Variants in PCDHGA1 observed in about 807,000 individuals in gnomAD.
PCDHGA1 encodes protocadherin gamma-A1.
Under a neutral mutation model 58.0 loss-of-function variants are expected in PCDHGA1, and 32 were observed. That is an observed-to-expected ratio of 0.55 (90% confidence interval 0.42 to 0.74). PCDHGA1 has a LOEUF of 0.74. PCDHGA1 is among the 30% of genes least tolerant of loss of function. The pLI is 0.00. For synonymous variants in PCDHGA1, 498 were observed against 501.1 expected, an observed-to-expected ratio of 0.99 and a Z score of 0.08; for missense variants, 1,205 against 1,182.3, an observed-to-expected ratio of 1.02 and a Z score of -0.28.
Position 141,490,109 on chromosome 5 carries a change from G to A in PCDHGA1, c.2422-4698G>A, listed in dbSNP as rs775286436. The A allele has an allele frequency of 3.4e-5, 55 of 1,614,114 alleles. No homozygotes were observed. Among genetic ancestry groups the A allele is most frequent in the African/African-American group, 8.0e-5 (6 of 74,940 alleles). ...GGAGACCACACATCTGAGGCAGTGC[G>A]GAACCTCTTTGGCCTAGACCCTAGC... On this transcript the variant is annotated intron_variant, in intron 1 of 3. Coordinates refer to ENST00000517417, the MANE Select transcript of PCDHGA1 (RefSeq NM_018912.3). This position sits in a 1 kb window ranked among gnomAD's most constrained non-coding sequence, Gnocchi z 5.4.
chr5:141,360,425 G>A, intron 1 of PCDHGA1: 1 of 1,613,966 alleles, frequency 6.2e-7, no homozygotes, highest in Non-Finnish European at 8.5e-7. Flanking sequence ...CAGATATGCG[G>A]GAAGCAGCCT....
chr5:141,413,900 AC>A, intron 1 of PCDHGA1: 1 of 1,613,126 alleles, frequency 6.2e-7, no homozygotes. Flanking sequence ...GCAAATGACA[AC>A]GCGCCGGTCT....
intron 1 of PCDHGA1, among the ~76,000 whole-genome samples, chr5:141,468,046 C>T (rs540273405): frequency 1.3e-4 from 20 of 152,174 alleles, no homozygotes; most frequent in Non-Finnish European, 2.8e-4. Flanking sequence ...AAAACTAAGC[C>T]GGGCACAGTG....
At chr5:141,381,826 C>CTTTTTTTTT (rs770630741) in intron 1 of PCDHGA1, among the ~76,000 whole-genome samples, 22 of 74,282 alleles carry the variant, frequency 3.0e-4, no homozygotes, top group African/African-American at 5.6e-4. Context: ...CTTTCTTCTT[C>CTTTTTTTTT]TTTTTTTTTT....
intron 1 of PCDHGA1, chr5:141,390,892 G>A (rs1476434709): frequency 2.6e-5 from 4 of 152,470 alleles, no homozygotes; most frequent in East Asian, 3.8e-4. Context: ...GTGTGTGAGA[G>A]AGATCCTTTT....
At chr5:141,354,997 A>G in intron 1 of PCDHGA1, 2 of 704,394 alleles carry the variant, frequency 2.8e-6, no homozygotes, top group Non-Finnish European at 2.1e-6. Flanking sequence ...AATCAGGGGG[A>G]AAAGACAAAC....
chr5:141,390,730 A>G (rs964390196), intron 1 of PCDHGA1: 1 of 195,852 alleles, frequency 5.1e-6, no homozygotes, highest in African/African-American at 2.4e-5. Flanking sequence ...TTTAACTGGT[A>G]TGGTCTCCAT....
chr5:141,396,654 T>G (rs1489747712), intron 1 of PCDHGA1: 1 of 151,996 alleles, frequency 6.6e-6, no homozygotes, highest in Non-Finnish European at 1.5e-5. Context: ...TAGTAAAAAC[T>G]CGGTATAGGC....
rs181587578 is a variant in PCDHGA1, at chr5:141,366,566, G to T, written c.2421+33461G>T. 1.9e-6 allele frequency: 3 copies of T among 1,614,254 alleles called. No homozygotes were observed. The East Asian group carries it at 6.7e-5, about 36-fold the overall frequency. ...CTCGCACTTTGTGGGCGTGGATGGG[G>T]TTCGGGCTTTCCTGCAGACCTATTC... On this transcript the variant is annotated intron_variant, in intron 1 of 3. Coordinates refer to ENST00000517417, the MANE Select transcript of PCDHGA1 (RefSeq NM_018912.3).
Position 141,351,785 on chromosome 5 carries a change from G to A in PCDHGA1, c.2421+18680G>A, listed in dbSNP as rs747419202. ...CGTGTCCGTGAGCCCGCAGAGCGGG[G>A]TGGTGTTCGCGCAGCGCGCCTTCGA... is the stretch of plus-strand genomic sequence containing the variant. On this transcript the variant is annotated intron_variant, in intron 1 of 3. Coordinates refer to ENST00000517417, the MANE Select transcript of PCDHGA1 (RefSeq NM_018912.3). The A allele has an allele frequency of 1.1e-5, 18 of 1,613,318 alleles. No individual in the cohort carries two copies. The Admixed American group carries it at 2.8e-4, about 25-fold the overall frequency.
chr5:141,427,832 T>C, intron 1 of PCDHGA1: 1 of 1,540,264 alleles, frequency 6.5e-7, no homozygotes, highest in Non-Finnish European at 8.9e-7. Flanking sequence ...TCGCGCAGCG[T>C]GCCTTCGACC....
At chr5:141,333,451 C>G in intron 1 of PCDHGA1, 1 of 417,812 alleles carries the variant, frequency 2.4e-6, no homozygotes, top group Non-Finnish European at 4.2e-6. Flanking sequence ...TTAGAAAAGG[C>G]TCACCAATAT....
At chr5:141,457,719 G>T (rs1437841051) in intron 1 of PCDHGA1, among the ~76,000 whole-genome samples, 1 of 152,226 alleles carries the variant, frequency 6.6e-6, no homozygotes, top group Non-Finnish European at 1.5e-5. Context: ...GTTCCACAAG[G>T]AATTTCAGAT....
At chr5:141,350,601 T>C in intron 1 of PCDHGA1, 1 of 1,614,050 alleles carries the variant, frequency 6.2e-7, no homozygotes, top group Non-Finnish European at 8.5e-7. Flanking sequence ...ATGAATGTTT[T>C]CCACGTGGTT....
intron 2 of PCDHGA1, among the ~76,000 whole-genome samples, chr5:141,504,238 G>A (rs1043662594): frequency 2.0e-5 from 3 of 152,228 alleles, no homozygotes; most frequent in African/African-American, 7.2e-5. Flanking sequence ...CTAAGAAGCA[G>A]AGAGTTCTTC....
At chr5:141,375,097 G>A in intron 1 of PCDHGA1, 1 of 1,613,904 alleles carries the variant, frequency 6.2e-7, no homozygotes, top group Non-Finnish European at 8.5e-7. Flanking sequence ...TAACTATCTT[G>A]GATGTCAATG....
At chr5:141,356,765 A>G (rs1019076807) in intron 1 of PCDHGA1, 3 of 1,613,966 alleles carry the variant, frequency 1.9e-6, no homozygotes, top group South Asian at 2.2e-5. Context: ...TCCTTCGACT[A>G]TGAGCAGTTT....
rs530054362 is a variant in PCDHGA1 at position 141,486,066 on chromosome 5, C to G, written c.2422-8741C>G. ...AGAAACCTCTTTAGCCTGCACCCCACTACTGGAAAGCTTACTCTTTTGGGG... is the reference window on the plus strand; with the variant it reads ...AGAAACCTCTTTAGCCTGCACCCCAGTACTGGAAAGCTTACTCTTTTGGGG... On this transcript the variant is annotated intron_variant, in intron 1 of 3. Coordinates refer to ENST00000517417, the MANE Select transcript of PCDHGA1 (RefSeq NM_018912.3). This position sits in a 1 kb window ranked among gnomAD's most constrained non-coding sequence, Gnocchi z 5.0. The G allele has an allele frequency of 3.1e-6, 5 of 1,614,166 alleles. No homozygotes were observed. In the African/African-American group the frequency reaches 5.3e-5, roughly 17 times the overall value.
rs772255956 is a variant in PCDHGA1 at position 141,361,360 on chromosome 5, G to T, written c.2421+28255G>T. ...CTATTACAAACTAGTGACAGACGGC[G>T]CTCTGGACCGGGAGGAGATCCCAGA... On this transcript the variant is annotated intron_variant, in intron 1 of 3. Coordinates refer to ENST00000517417, the MANE Select transcript of PCDHGA1 (RefSeq NM_018912.3). 3.1e-6 allele frequency: 5 copies of T among 1,613,944 alleles called. No homozygotes were observed. In the Admixed American group the frequency reaches 5.0e-5, roughly 16 times the overall value.
Sources: allele counts gnomAD v4.1 joint callset (sites outside exome capture counted in the v4.1 genomes callset), GRCh38; gene constraint gnomAD v4.1.1; non-coding constraint Gnocchi (gnomAD v3.1); transcripts MANE v1.5; gene names NCBI Gene and HGNC (gene_info 2026-07-23, HGNC 2026-07-21).